Variants in B3GALT1 observed in about 807,000 individuals in gnomAD.
B3GALT1 encodes the protein beta-1,3-galactosyltransferase 1, also known as UDP-Gal:betaGlcNAc beta 1,3-galactosyltransferase, polypeptide 1.
A neutral mutation model predicts 23.2 loss-of-function variants in B3GALT1; 10 were observed. The ratio of observed to expected loss-of-function variants is 0.43; its 90% CI spans 0.27 to 0.73. The LOEUF (loss-of-function observed/expected upper bound fraction) is 0.73, where lower values mean the gene tolerates loss of function less well. B3GALT1 is among the 30% of genes least tolerant of loss of function. The probability of loss-of-function intolerance (pLI) is 0.21; values close to 1 mark genes in which losing one functional copy is unlikely to be tolerated. For synonymous variants in B3GALT1, 156 were observed against 141.5 expected (o/e 1.10, Z -0.73); for missense variants, 299 against 405.4 (o/e 0.74, Z 2.25).
intron 4 of B3GALT1, among the ~76,000 whole-genome samples, chr2:167,847,572 G>A (rs1233934497): frequency 6.6e-6 from 1 of 152,092 alleles, no homozygotes; most frequent in Non-Finnish European, 1.5e-5. Context: ...CAAAGCCTCT[G>A]GAATACAGCA....
chr2:167,508,144 T>A (rs760343699), intron 2 of B3GALT1, among the ~76,000 whole-genome samples: 1 of 152,180 alleles, frequency 6.6e-6, no homozygotes, highest in Non-Finnish European at 1.5e-5. Context: ...TACCATCACA[T>A]TGGGGTTAGG....
chr2:167,555,896 C>T (rs758768520), intron 2 of B3GALT1, among the ~76,000 whole-genome samples: 4 of 152,150 alleles, frequency 2.6e-5, no homozygotes, highest in Non-Finnish European at 4.4e-5. Context: ...ATTATACCAA[C>T]ATGCACAATG....
chr2:167,465,461 C>A (rs1699330245), intron 1 of B3GALT1, among the ~76,000 whole-genome samples: 1 of 152,166 alleles, frequency 6.6e-6, no homozygotes, highest in Non-Finnish European at 1.5e-5. Context: ...CTGGGAACAG[C>A]TCACTTTCTG....
At chr2:167,306,159 G>A (rs2105482871) in intron 1 of B3GALT1, among the ~76,000 whole-genome samples, 1 of 152,050 alleles carries the variant, frequency 6.6e-6, no homozygotes, top group Admixed American at 6.6e-5. Context: ...AATGTATTAT[G>A]TATAATAAAA....
chr2:167,415,279 A>G (rs141830764), intron 1 of B3GALT1, among the ~76,000 whole-genome samples: 2 of 152,266 alleles, frequency 1.3e-5, no homozygotes, highest in African/African-American at 4.8e-5. Context: ...GACCTGAGCT[A>G]GCCTACCCAG....
chr2:167,553,439 C>A (rs757780812), intron 2 of B3GALT1, among the ~76,000 whole-genome samples: 4 of 152,146 alleles, frequency 2.6e-5, no homozygotes, highest in Non-Finnish European at 5.9e-5. Flanking sequence ...CCAAAGACAG[C>A]ACAGCTGTGC....
chr2:167,841,224 A>G (rs895606594), intron 4 of B3GALT1, among the ~76,000 whole-genome samples: 5 of 143,844 alleles, frequency 3.5e-5, no homozygotes, highest in African/African-American at 2.5e-5. Flanking sequence ...CACCACAAAG[A>G]AAAAAAAAAA....
At chr2:167,657,040 GA>G (rs1386880055) in intron 3 of B3GALT1, among the ~76,000 whole-genome samples, 2 of 152,014 alleles carry the variant, frequency 1.3e-5, no homozygotes, top group Admixed American at 6.6e-5. Flanking sequence ...AATGATAGGG[GA>G]AAAAAATGGT....
intron 2 of B3GALT1, among the ~76,000 whole-genome samples, chr2:167,604,969 C>A (rs1444831169): frequency 6.6e-6 from 1 of 152,180 alleles, no homozygotes; most frequent in African/African-American, 2.4e-5. Context: ...TAAGAACTCA[C>A]AAGAGGTTGT....
intron 3 of B3GALT1, among the ~76,000 whole-genome samples, chr2:167,673,383 G>A (rs901897568): frequency 2.6e-5 from 4 of 152,022 alleles, no homozygotes; most frequent in African/African-American, 9.7e-5. Flanking sequence ...TCTAAAGATA[G>A]AAAAGGCAGA....
chr2:167,595,325 C>T lies in B3GALT1; in HGVS notation c.-409-51584C>T, dbSNP rs573239999. ...TAAGTCGTTTTGACTGTCTGCTCTG[C>T]ATCGCCCACCCATATCATGTGCTGT... is the stretch of plus-strand genomic sequence containing the variant. On this transcript the variant is annotated intron_variant, in intron 2 of 4. Coordinates refer to ENST00000392690, the MANE Select transcript of B3GALT1 (RefSeq NM_020981.4). Among the ~76,000 whole-genome samples, 154 of 152,294 alleles carry T rather than the reference C, an allele frequency of 1.0e-3. 1 individual carries two copies. Among genetic ancestry groups the T allele is most frequent in the African/African-American group, 3.6e-3 (150 of 41,544 alleles).
intron 3 of B3GALT1, among the ~76,000 whole-genome samples, chr2:167,742,667 A>T (rs191993802): frequency 9.2e-4 from 140 of 152,040 alleles, no homozygotes; most frequent in Admixed American, 1.1e-3. Flanking sequence ...ATAAGAACCC[A>T]TTTTTTTTAA....
chr2:167,459,037 T>C (rs757604030), intron 1 of B3GALT1, among the ~76,000 whole-genome samples: 8 of 152,192 alleles, frequency 5.3e-5, no homozygotes, highest in Non-Finnish European at 1.0e-4. Context: ...GTAGACAGAA[T>C]GTAGTTGGAT....
chr2:167,724,570 A>G (rs1233104090), intron 3 of B3GALT1, among the ~76,000 whole-genome samples: 1 of 152,214 alleles, frequency 6.6e-6, no homozygotes, highest in Non-Finnish European at 1.5e-5. Context: ...TATGGGTTAT[A>G]TTTATCAACA....
At chr2:167,513,658 G>A (rs1700061099) in intron 2 of B3GALT1, among the ~76,000 whole-genome samples, 1 of 152,042 alleles carries the variant, frequency 6.6e-6, no homozygotes, top group Non-Finnish European at 1.5e-5. Flanking sequence ...GGGAATAGAA[G>A]AACCAAAATT....
intron 3 of B3GALT1, among the ~76,000 whole-genome samples, chr2:167,668,523 G>T (rs1558943209): frequency 1.3e-5 from 2 of 152,188 alleles, no homozygotes; most frequent in African/African-American, 4.8e-5. Context: ...GCAAGCCTGG[G>T]CAATGGCGGG....
chr2:167,664,180 G>A (rs1425078216), intron 3 of B3GALT1, among the ~76,000 whole-genome samples: 3 of 149,594 alleles, frequency 2.0e-5, no homozygotes, highest in Non-Finnish European at 3.0e-5. Context: ...TTCTACATAT[G>A]GCTAGCCAGT....
intron 4 of B3GALT1, among the ~76,000 whole-genome samples, chr2:167,843,391 A>T (rs1276631990): frequency 2.0e-5 from 3 of 152,182 alleles, no homozygotes; most frequent in Non-Finnish European, 4.4e-5. Context: ...ACTTGACCAG[A>T]TGCCCAGAAG....
chr2:167,512,594 G>GTATATATA lies in B3GALT1; in HGVS notation c.-410+22323_-410+22330dup, dbSNP rs60242658. On this transcript the variant is annotated intron_variant, in intron 2 of 4. Coordinates refer to ENST00000392690, the MANE Select transcript of B3GALT1 (RefSeq NM_020981.4). ...TATATATATATGTATATATATATGT[G>GTATATATA]TATATATATATATGTATATATATAT... is the stretch of plus-strand genomic sequence containing the variant. 8.7e-5 allele frequency among the ~76,000 whole-genome samples: 5 copies of GTATATATA among 57,326 alleles called. No homozygotes were observed. The East Asian group carries it at 0.044, about 503-fold the overall frequency. The allele number at this position is 57,326 out of a possible 152,430, so 37.6% of individuals were successfully genotyped here.
Sources: gnomAD v4.1 joint callset for allele counts (sites outside exome capture counted in the v4.1 genomes callset) on GRCh38, gnomAD v4.1.1 for gene constraint, MANE v1.5 for transcripts, NCBI Gene and HGNC (gene_info 2026-07-23, HGNC 2026-07-21) for gene names.